TENT4A: variants seen among roughly 807,000 people sequenced by gnomAD.
TENT4A encodes the protein DNA polymerase kappa.
A neutral mutation model predicts 72.8 loss-of-function variants in TENT4A; 7 were observed. The ratio of observed to expected loss-of-function variants is 0.10; its 90% confidence interval spans 0.05 to 0.18. The LOEUF (loss-of-function observed/expected upper bound fraction) is 0.18, where lower values mean the gene tolerates loss of function less well. TENT4A is among the 10% of genes least tolerant of loss of function. The pLI is 1.00. For missense variants in TENT4A, 831 were observed against 1,017.7 expected (o/e 0.82, Z 2.50); for synonymous variants, 456 against 434.3 (o/e 1.05, Z -0.62).
At position 6,755,746 on chromosome 5, in the gene TENT4A, G is replaced by C. The variant is rs1022211365; in HGVS notation, c.*801G>C. On this transcript the variant is annotated 3_prime_UTR_variant, in exon 13 of 13. Transcript: ENST00000230859. Reference sequence around the variant, plus strand: ...CAGACTGCCCGTGGCCCTGCTGTCGGGCCCCAGGCCGTTGTCCTGCTCTGA... The same window carrying C: ...CAGACTGCCCGTGGCCCTGCTGTCGCGCCCCAGGCCGTTGTCCTGCTCTGA... The C allele has an allele frequency of 6.6e-6, 1 of 152,276 alleles. No homozygotes were observed. Among genetic ancestry groups the C allele is most frequent in the Non-Finnish European group, 1.5e-5 (1 of 68,054 alleles). 9.4% of individuals were successfully genotyped at this position (152,276 alleles called of 1,614,324 possible). A position where few individuals can be genotyped will look rare whatever the true frequency, so the allele number is the denominator to read the frequency against.
intron 1 of TENT4A, among the ~76,000 whole-genome samples, chr5:6,730,832 CA>C (rs1461772570): frequency 6.1e-5 from 9 of 147,036 alleles, no homozygotes; most frequent in African/African-American, 2.2e-4. Flanking sequence ...TGCCTTGTAA[CA>C]TAATCAAAAA....
At chr5:6,731,964 AC>A (rs1293394688) in intron 1 of TENT4A, among the ~76,000 whole-genome samples, 1 of 152,144 alleles carries the variant, frequency 6.6e-6, no homozygotes, top group African/African-American at 2.4e-5. Context: ...TATTTTACAT[AC>A]GCTGTCCTGG....
rs1281742563 is a variant in TENT4A at position 6,714,618 on chromosome 5, G to A, written c.635G>A (p.Ser212Asn). Residue 212 changes from serine to asparagine, a missense_variant, in exon 1 of 13, where the codon AGC (serine) becomes AAC (asparagine). Physicochemically the swap from Ser to Asn is conservative, Grantham distance 46. Around this residue, in one of 3 missense-constraint regions of TENT4A, gnomAD observed 302 missense variants for 293.8 expected, o/e 1.03. Transcript: ENST00000230859. ...TCCGGCAGCCGCGCGGCCGCTCTCA[G>A]CGGAGGGGGCGGCCCCGGGGCCCAG... ...LLSGSRAAAL[S>N]GGGGPGAQAP... 10 of 1,198,250 alleles carry A rather than the reference G, an allele frequency of 8.3e-6. No homozygotes were observed. In the Admixed American group the frequency reaches 3.1e-4, roughly 37 times the overall value. 74.2% of individuals were successfully genotyped at this position (1,198,250 alleles called of 1,614,324 possible).
In TENT4A at chr5:6,752,975, T is replaced by G; in HGVS notation, c.2122T>G (p.Ser708Ala). The G allele has an allele frequency of 6.2e-7, 1 of 1,614,156 alleles. No homozygotes were observed. Among genetic ancestry groups the G allele is most frequent in the Non-Finnish European group, 8.5e-7 (1 of 1,180,032 alleles). Residue 708 changes from serine to alanine, a missense_variant, in exon 12 of 13, where the codon TCT (serine) becomes GCT (alanine). By Grantham distance (99) the Ser-to-Ala change is moderately conservative. Coordinates refer to ENST00000230859, the MANE Select transcript of TENT4A (RefSeq NM_006999.6). ...GTCTTTGAAAGCCGTCCACCACATG[T>G]CTTCCCCGGCCATTCCCTCAGCGTC... ...TASLKAVHHM[S>A]SPAIPSASPN...
chr5:6,743,614 G>A lies in TENT4A; in HGVS notation c.1117-98G>A, dbSNP rs28381383. The A allele has an allele frequency of 1.7e-3, 1,646 of 988,236 alleles. 19 individuals are homozygous for A. The African/African-American group carries it at 0.024, about 15-fold the overall frequency. 61.2% of individuals were successfully genotyped at this position (988,236 alleles called of 1,614,324 possible). On this transcript the variant is annotated intron_variant, in intron 5 of 12. Coordinates refer to ENST00000230859, the MANE Select transcript of TENT4A (RefSeq NM_006999.6). ...GAGCCTTCAGATGGGCAAGAGGATC[G>A]AGGAAACTTTCCTTTCTGTCTTGTG...
At chr5:6,731,064 A>G (rs1370403788) in intron 1 of TENT4A, among the ~76,000 whole-genome samples, 1 of 152,190 alleles carries the variant, frequency 6.6e-6, no homozygotes, top group Non-Finnish European at 1.5e-5. Context: ...TTTTGGTGTA[A>G]TCGTATCAAA....
At chr5:6,728,784 A>G (rs2126614549) in intron 1 of TENT4A, among the ~76,000 whole-genome samples, 2 of 152,380 alleles carry the variant, frequency 1.3e-5, no homozygotes, top group Admixed American at 1.3e-4. Context: ...CCCTTGCAGT[A>G]TGAATTAGTA....
At chr5:6,738,801 A>AAT in intron 3 of TENT4A, 72 bp downstream of exon 3, 2 of 1,103,344 alleles carry the variant, frequency 1.8e-6, no homozygotes, top group South Asian at 2.5e-5. Flanking sequence ...AAGGGCTACA[A>AAT]ATAGATTCTT....
chr5:6,755,118 A>G lies in TENT4A; in HGVS notation c.*173A>G. The G allele has an allele frequency of 3.9e-6, 2 of 515,616 alleles. No individual in the cohort carries two copies. Among genetic ancestry groups the G allele is most frequent in the Non-Finnish European group, 6.8e-6 (2 of 296,116 alleles). 31.9% of individuals were successfully genotyped at this position (515,616 alleles called of 1,614,324 possible). On this transcript the variant is annotated 3_prime_UTR_variant, in exon 13 of 13. Coordinates refer to ENST00000230859, the MANE Select transcript of TENT4A (RefSeq NM_006999.6). ...GGTGGTCGCGTCCATCTTCAAGAACAGCTCGTTGTGCTCATCTGTGAAGCC... is the reference window on the plus strand; with the variant it reads ...GGTGGTCGCGTCCATCTTCAAGAACGGCTCGTTGTGCTCATCTGTGAAGCC...
In TENT4A at chr5:6,748,413, T is replaced by C. The variant is rs942584417; in HGVS notation, c.1460-51T>C. ...CTTGTATGAGAAGATCCAAAACATGTGGACGATGGTGTGCATGTGGGGAGG... is the reference window on the plus strand; with the variant it reads ...CTTGTATGAGAAGATCCAAAACATGCGGACGATGGTGTGCATGTGGGGAGG... On this transcript the variant is annotated intron_variant, in intron 7 of 12. Coordinates refer to ENST00000230859, the MANE Select transcript of TENT4A (RefSeq NM_006999.6). 8.1e-6 allele frequency: 13 copies of C among 1,602,734 alleles called. No homozygotes were observed. In the African/African-American group the frequency reaches 1.6e-4, roughly 20 times the overall value.
chr5:6,729,086 T>G (rs1407652725), intron 1 of TENT4A, among the ~76,000 whole-genome samples: 2 of 152,234 alleles, frequency 1.3e-5, no homozygotes, highest in African/African-American at 4.8e-5. Flanking sequence ...TATATTTACA[T>G]CTTTTCACTC....
At chr5:6,726,795 T>A (rs1740945112) in intron 1 of TENT4A, among the ~76,000 whole-genome samples, 1 of 152,210 alleles carries the variant, frequency 6.6e-6, no homozygotes, top group Non-Finnish European at 1.5e-5. Flanking sequence ...TGCCCAGCTG[T>A]CCTCAGCGCC....
At chr5:6,716,683 G>A (rs1740405034) in intron 1 of TENT4A, among the ~76,000 whole-genome samples, 1 of 152,078 alleles carries the variant, frequency 6.6e-6, no homozygotes, top group African/African-American at 2.4e-5. Flanking sequence ...CACCTCCAGG[G>A]CTCTGCTGCT....
In TENT4A at chr5:6,713,453, CGA is replaced by C. The variant is rs1265698603; in HGVS notation, c.-527_-526del. On this transcript the variant is annotated 5_prime_UTR_variant, in exon 1 of 13. Coordinates refer to ENST00000230859, the MANE Select transcript of TENT4A (RefSeq NM_006999.6). ...CCTCCTTCCCCCGCGCTGTCGCCGC[CGA>C]GAGTGTCTTTTCACCGCCGCCGCCG... is the stretch of plus-strand genomic sequence containing the variant. 1.3e-5 allele frequency: 2 copies of C among 151,792 alleles called. No homozygotes were observed. Among genetic ancestry groups the C allele is most frequent in the Admixed American group, 6.6e-5 (1 of 15,180 alleles). 9.4% of individuals were successfully genotyped at this position (151,792 alleles called of 1,614,324 possible). A position where few individuals can be genotyped will look rare whatever the true frequency, so the allele number is the denominator to read the frequency against.
intron 10 of TENT4A, 155 bp from the exon 11 acceptor site, chr5:6,750,884 G>T (rs1742362842): frequency 1.5e-6 from 1 of 684,338 alleles, no homozygotes; most frequent in Admixed American, 2.6e-5. Context: ...AAGGAAGCCT[G>T]GGTAGGTTTG....
At position 6,751,102 on chromosome 5, in the gene TENT4A, C is replaced by G. The variant is rs1742375672; in HGVS notation, c.1924C>G (p.Pro642Ala). ...CCAGTTCAGTCTGCAAGCGCCAGCTCCTCTCATGGCCGGCTTACCCACCGC... is the reference window on the plus strand; with the variant it reads ...CCAGTTCAGTCTGCAAGCGCCAGCTGCTCTCATGGCCGGCTTACCCACCGC... Reference protein sequence around the residue: ...VYQFSLQAPAPLMAGLPTALP... With the variant: ...VYQFSLQAPAALMAGLPTALP... Residue 642 changes from proline to alanine, a missense_variant, in exon 11 of 13, where the codon CCT (proline) becomes GCT (alanine). This residue lies in a region of TENT4A where 332 missense variants were observed against 324.3 expected (regional missense o/e 1.02). Transcript: ENST00000230859. 3.7e-6 allele frequency: 6 copies of G among 1,614,058 alleles called. No individual in the cohort carries two copies. The highest frequency in any genetic ancestry group is 1.3e-5 in the African/African-American group (1 of 74,920).
At position 6,738,689 on chromosome 5, in the gene TENT4A, A is replaced by G. The variant is rs1327344487; in HGVS notation, c.847A>G (p.Ile283Val). Residue 283 changes from isoleucine (I) to valine (V), a missense_variant, in exon 3 of 13, where the codon ATA (isoleucine) becomes GTA (valine). This residue lies in a region of TENT4A where 197 missense variants were observed against 399.6 expected (regional missense o/e 0.49). Transcript: ENST00000230859. ...CAACCACTCTTTCTTTCAGGTACAGATATTTGGCAGCTTTAGTACAGGTCT... is the reference window on the plus strand; with the variant it reads ...CAACCACTCTTTCTTTCAGGTACAGGTATTTGGCAGCTTTAGTACAGGTCT... ...KDLWPTADVQ[I>V]FGSFSTGLYL... The G allele has an allele frequency of 4.3e-6, 7 of 1,612,726 alleles. No homozygotes were observed. The highest frequency in any genetic ancestry group is 5.1e-6 in the Non-Finnish European group (6 of 1,178,834).
Position 6,751,051 on chromosome 5 carries a change from C to A in TENT4A, c.1873C>A (p.Pro625Thr), listed in dbSNP as rs753147914. The part of the protein sequence containing the change: ...LSGSDVDSDT[P>T]PCTTPSVYQF... ...TACCGGGTTCAAGGATTCAGACACA[C>A]CGCCCTGCACAACGCCCAGTGTTTA... Residue 625 changes from proline (P) to threonine (T), a missense_variant, in exon 11 of 13, where the codon CCG becomes ACG. Physicochemically the swap from Pro to Thr is conservative, Grantham distance 38. Coordinates refer to ENST00000230859, the MANE Select transcript of TENT4A (RefSeq NM_006999.6). 2 of 1,614,154 alleles carry A rather than the reference C, an allele frequency of 1.2e-6. No individual in the cohort carries two copies.
rs755153622 is a variant in TENT4A at position 6,748,498 on chromosome 5, G to A, written c.1494G>A (p.Met498Ile). 6.2e-7 allele frequency: 1 copy of A among 1,614,180 alleles called. No individual in the cohort carries two copies. The highest frequency in any genetic ancestry group is 8.5e-7 in the Non-Finnish European group (1 of 1,180,022). Reference sequence around the variant, plus strand: ...TTGGCCGGAGCTCCTATGGCGCCATGCAGGTGAAGCAGGTCTTCGATTATG... The same window carrying A: ...TTGGCCGGAGCTCCTATGGCGCCATACAGGTGAAGCAGGTCTTCGATTATG... ...NDVGRSSYGA[M>I]QVKQVFDYAY... Residue 498 changes from methionine (M) to isoleucine (I), a missense_variant, in exon 8 of 13, where the codon ATG becomes ATA. Coordinates refer to ENST00000230859, the MANE Select transcript of TENT4A (RefSeq NM_006999.6).
Sources: allele counts gnomAD v4.1 joint callset (sites outside exome capture counted in the v4.1 genomes callset), GRCh38; gene constraint gnomAD v4.1.1; regional missense constraint gnomAD v4.1.1; transcripts MANE v1.5; gene names NCBI Gene and HGNC (gene_info 2026-07-23, HGNC 2026-07-21).